Variants in ALK observed in about 807,000 individuals in gnomAD.
ALK encodes the protein ALK tyrosine kinase receptor.
A neutral mutation model predicts 163.1 loss-of-function variants in ALK; 74 were observed. That is an observed-to-expected ratio of 0.45 (90% CI 0.38 to 0.55). ALK has a LOEUF of 0.55. ALK is among the 20% of genes least tolerant of loss of function. The probability of loss-of-function intolerance (pLI) is 0.00; values close to 1 mark genes in which losing one functional copy is unlikely to be tolerated. For missense variants in ALK, 2,063 were observed against 2,105.3 expected, an observed-to-expected ratio of 0.98 and a Z score of 0.39; for synonymous variants, 960 against 843.2, an observed-to-expected ratio of 1.14 and a Z score of -2.40.
At chr2:29,702,484 C>T (rs1311237813) in intron 2 of ALK, among the ~76,000 whole-genome samples, 1 of 152,164 alleles carries the variant, frequency 6.6e-6, no homozygotes, top group South Asian at 2.1e-4. Flanking sequence ...GAGGACACAT[C>T]ACCAAGATCT....
chr2:29,563,671 C>A (rs1326009298), intron 3 of ALK, among the ~76,000 whole-genome samples: 1 of 152,198 alleles, frequency 6.6e-6, no homozygotes, highest in Non-Finnish European at 1.5e-5. Flanking sequence ...TGACCCCCAA[C>A]TCTCACCATC....
chr2:29,564,312 T>A (rs543798929), intron 3 of ALK, among the ~76,000 whole-genome samples: 130 of 152,124 alleles, frequency 8.5e-4, no homozygotes, highest in African/African-American at 3.1e-3. Flanking sequence ...TACCCAACTA[T>A]CCTAACTATC....
intron 1 of ALK, among the ~76,000 whole-genome samples, chr2:29,860,163 G>A (rs1382083016): frequency 6.6e-6 from 1 of 152,180 alleles, no homozygotes; most frequent in African/African-American, 2.4e-5. Context: ...TGTGGTCTGA[G>A]GCTTATCCCA....
intron 4 of ALK, among the ~76,000 whole-genome samples, chr2:29,481,029 A>G (rs186466534): frequency 3.3e-5 from 5 of 152,288 alleles, no homozygotes; most frequent in Admixed American, 3.3e-4. Flanking sequence ...ACCATCTCAT[A>G]TATCACGTGG....
chr2:29,228,576 G>A (rs916993392), intron 16 of ALK, among the ~76,000 whole-genome samples: 1 of 152,138 alleles, frequency 6.6e-6, no homozygotes, highest in African/African-American at 2.4e-5. Context: ...GGAGGCTGGG[G>A]GAGTCCTTAT....
At chr2:29,831,021 GAAGGGGA>G (rs765829956) in intron 1 of ALK, among the ~76,000 whole-genome samples, 2,315 of 44,098 alleles carry the variant, frequency 0.052, 144 homozygotes, top group Non-Finnish European at 0.074. Flanking sequence ...AGGGGAAGAG[GAAGGGGA>G]AGGAGGAGGA....
intron 1 of ALK, among the ~76,000 whole-genome samples, chr2:29,772,160 G>A (rs1681047767): frequency 1.3e-5 from 2 of 152,202 alleles, no homozygotes; most frequent in African/African-American, 4.8e-5. Flanking sequence ...GATGGCAGAG[G>A]CTTCTGATAC....
intron 4 of ALK, among the ~76,000 whole-genome samples, chr2:29,486,853 CAATCAATGCTTGTCTA>C (rs1671785973): frequency 6.6e-6 from 1 of 152,098 alleles, no homozygotes; most frequent in African/African-American, 2.4e-5. Context: ...AAAGTGGGCA[CAATCAATGCTTGTCTA>C]ATACAATAAT....
intron 3 of ALK, among the ~76,000 whole-genome samples, chr2:29,556,543 G>T (rs145635319): frequency 7.0e-4 from 107 of 152,310 alleles, no homozygotes; most frequent in African/African-American, 2.5e-3. Context: ...TCTATATAAG[G>T]ACTTGAATGG....
At chr2:29,394,876 T>C (rs1374184783) in intron 4 of ALK, among the ~76,000 whole-genome samples, 2 of 152,178 alleles carry the variant, frequency 1.3e-5, no homozygotes, top group Admixed American at 6.5e-5. Flanking sequence ...GTAGGTTTTT[T>C]TTTTTTCTTC....
intron 4 of ALK, among the ~76,000 whole-genome samples, chr2:29,422,109 G>T (rs1011129956): frequency 6.6e-6 from 1 of 151,438 alleles, no homozygotes; most frequent in Admixed American, 6.6e-5. Context: ...AGAGTCTGAA[G>T]ACCAAAGCCA....
chr2:29,469,183 T>C (rs1012307729), intron 4 of ALK, among the ~76,000 whole-genome samples: 2 of 151,940 alleles, frequency 1.3e-5, no homozygotes, highest in Non-Finnish European at 2.9e-5. Flanking sequence ...AGTGGAGGAG[T>C]AGGCACCTGG....
Position 29,264,457 on chromosome 2 carries a change from A to G in ALK, c.2041+10642T>C, listed in dbSNP as rs1219328138. On this transcript the variant is annotated intron_variant, in intron 11 of 28. Transcript: ENST00000389048. Reference sequence around the variant, plus strand: ...CCCTGTCCCCTTGACCTGCTTTACTATTTTCACGGCATATCACTTTGAAAT... The same window carrying G: ...CCCTGTCCCCTTGACCTGCTTTACTGTTTTCACGGCATATCACTTTGAAAT... Among the ~76,000 whole-genome samples the G allele has an allele frequency of 2.0e-5, 3 of 152,020 alleles. No homozygotes were observed. In the East Asian group the frequency reaches 5.8e-4, roughly 29 times the overall value.
chr2:29,864,413 T>G (rs1386652831), intron 1 of ALK, among the ~76,000 whole-genome samples: 3 of 152,256 alleles, frequency 2.0e-5, no homozygotes, highest in African/African-American at 7.2e-5. Context: ...TTTCTCTTTC[T>G]GTCACTTGCT....
intron 25 of ALK, among the ~76,000 whole-genome samples, chr2:29,207,508 C>G (rs766499432): frequency 6.6e-6 from 1 of 152,184 alleles, no homozygotes; most frequent in Non-Finnish European, 1.5e-5. Flanking sequence ...GAGGAATGAT[C>G]TATGCAATGA....
chr2:29,817,236 T>C (rs565083597), intron 1 of ALK, among the ~76,000 whole-genome samples: 5 of 150,874 alleles, frequency 3.3e-5, no homozygotes, highest in Non-Finnish European at 5.9e-5. Context: ...GATGGGTGGG[T>C]GGTGACCTGA....
At chr2:29,893,052 T>C (rs1667184207) in intron 1 of ALK, among the ~76,000 whole-genome samples, 1 of 152,166 alleles carries the variant, frequency 6.6e-6, no homozygotes, top group Non-Finnish European at 1.5e-5. Context: ...TTTCCCTCCT[T>C]GATTTATGGG....
chr2:29,740,429 G>C (rs1053988688), intron 1 of ALK, among the ~76,000 whole-genome samples: 1 of 151,044 alleles, frequency 6.6e-6, no homozygotes, highest in African/African-American at 2.5e-5. Context: ...CAGTCAGAGG[G>C]ACAGTTAGAC....
chr2:29,630,771 G>A (rs1050940552), intron 3 of ALK, among the ~76,000 whole-genome samples: 4 of 151,636 alleles, frequency 2.6e-5, no homozygotes, highest in South Asian at 2.1e-4. Context: ...ACGTCTTTGA[G>A]GAACTTTGGT....
Sources: gnomAD v4.1 joint callset for allele counts (sites outside exome capture counted in the v4.1 genomes callset) on GRCh38, gnomAD v4.1.1 for gene constraint, MANE v1.5 for transcripts, NCBI Gene and HGNC (gene_info 2026-07-23, HGNC 2026-07-21) for gene names.